Variants in NRXN1 observed in about 807,000 individuals in gnomAD.
The protein encoded by NRXN1 is neurexin-1.
A neutral mutation model predicts 150.9 loss-of-function variants in NRXN1; 39 were observed. The ratio of observed to expected loss-of-function variants is 0.26; its 90% CI spans 0.20 to 0.34. The LOEUF (loss-of-function observed/expected upper bound fraction) is 0.34, where lower values mean the gene tolerates loss of function less well. NRXN1 is among the 10% of genes least tolerant of loss of function. The pLI, the probability that NRXN1 is intolerant of heterozygous loss-of-function variation, is 1.00. For missense variants in NRXN1, 1,815 were observed against 1,949.9 expected, an observed-to-expected ratio of 0.93 and a Z score of 1.30; for synonymous variants, 924 against 757.0, an observed-to-expected ratio of 1.22 and a Z score of -3.62.
intron 5 of NRXN1, among the ~76,000 whole-genome samples, chr2:50,838,362 C>A (rs1463719186): frequency 6.6e-6 from 1 of 152,028 alleles, no homozygotes; most frequent in Non-Finnish European, 1.5e-5. Context: ...GGTGATACTG[C>A]AAACCAACAT....
At chr2:50,690,866 T>A (rs1691974951) in intron 5 of NRXN1, among the ~76,000 whole-genome samples, 1 of 152,200 alleles carries the variant, frequency 6.6e-6, no homozygotes, top group Non-Finnish European at 1.5e-5. Flanking sequence ...CCGGTTCTTT[T>A]CCTTTAACCA....
At chr2:50,445,310 AG>A (rs1462486125) in intron 17 of NRXN1, among the ~76,000 whole-genome samples, 1 of 152,210 alleles carries the variant, frequency 6.6e-6, no homozygotes, top group Non-Finnish European at 1.5e-5. Context: ...AAAGAAGTAA[AG>A]TTTTTCAACT....
chr2:50,979,030 A>G (rs963048298), intron 2 of NRXN1, among the ~76,000 whole-genome samples: 2 of 152,124 alleles, frequency 1.3e-5, no homozygotes, highest in Admixed American at 6.6e-5. Context: ...ATTTCAGCAT[A>G]ACTCATATGT....
intron 12 of NRXN1, among the ~76,000 whole-genome samples, chr2:50,511,262 G>A (rs2092443311): frequency 6.6e-6 from 1 of 152,092 alleles, no homozygotes; most frequent in African/African-American, 2.4e-5. Flanking sequence ...GTTTCACCAT[G>A]TTCGAGGCCA....
At chr2:50,286,830 A>G (rs1004853700) in intron 17 of NRXN1, among the ~76,000 whole-genome samples, 27 of 152,246 alleles carry the variant, frequency 1.8e-4, no homozygotes, top group African/African-American at 6.0e-4. Context: ...AGAATTTGCA[A>G]TTAAGTGTTC....
chr2:50,220,063 G>T (rs1267670249), intron 18 of NRXN1, among the ~76,000 whole-genome samples: 2 of 134,200 alleles, frequency 1.5e-5, no homozygotes, highest in Non-Finnish European at 3.1e-5. Context: ...TCTCATATGA[G>T]CCACAATTTA....
intron 8 of NRXN1, among the ~76,000 whole-genome samples, chr2:50,595,711 T>C (rs912760354): frequency 6.6e-6 from 1 of 152,172 alleles, no homozygotes; most frequent in Non-Finnish European, 1.5e-5. Context: ...AATTCTGCCA[T>C]AGAAAGGGAG....
intron 19 of NRXN1, among the ~76,000 whole-genome samples, chr2:50,073,714 CA>C (rs1431592493): frequency 6.6e-6 from 1 of 151,978 alleles, no homozygotes; most frequent in Admixed American, 6.6e-5. Flanking sequence ...AGATAGTCAA[CA>C]ATTCTAGTTT....
chr2:50,620,295 GC>G, intron 7 of NRXN1, 112 bp from the exon 8 acceptor site: 2 of 1,233,072 alleles, frequency 1.6e-6, no homozygotes, highest in South Asian at 1.7e-5. Context: ...GTTTTGTTTT[GC>G]TTTTTTCTTT....
At chr2:50,749,576 A>C (rs1274249182) in intron 5 of NRXN1, among the ~76,000 whole-genome samples, 2 of 152,122 alleles carry the variant, frequency 1.3e-5, no homozygotes, top group Non-Finnish European at 2.9e-5. Flanking sequence ...ATTGCATCAA[A>C]TATAATGGAG....
chr2:50,938,310 T>G (rs1688848866), intron 2 of NRXN1, among the ~76,000 whole-genome samples: 1 of 152,188 alleles, frequency 6.6e-6, no homozygotes, highest in African/African-American at 2.4e-5. Context: ...ATTTTTCAGG[T>G]CCATTACAAT....
intron 5 of NRXN1, among the ~76,000 whole-genome samples, chr2:50,920,530 A>G (rs1685864784): frequency 6.6e-6 from 1 of 151,814 alleles, no homozygotes; most frequent in Non-Finnish European, 1.5e-5. Flanking sequence ...ATACAAACAC[A>G]TATACATATA....
intron 21 of NRXN1, among the ~76,000 whole-genome samples, chr2:49,985,413 T>C (rs2152513184): frequency 6.6e-6 from 1 of 152,352 alleles, no homozygotes; most frequent in South Asian, 2.1e-4. Flanking sequence ...AGAATTTTCC[T>C]CCTTTTCAAG....
intron 2 of NRXN1, among the ~76,000 whole-genome samples, chr2:50,973,054 C>T (rs186965598): frequency 1.1e-4 from 16 of 152,232 alleles, no homozygotes; most frequent in South Asian, 6.2e-4. Flanking sequence ...TGGTGTCTTC[C>T]GTGTCTGTTT....
At chr2:50,467,335 T>C (rs1031582253) in intron 16 of NRXN1, among the ~76,000 whole-genome samples, 1 of 151,584 alleles carries the variant, frequency 6.6e-6, no homozygotes, top group African/African-American at 2.4e-5. Flanking sequence ...AGCTTTAGAG[T>C]ATAAACTAAA....
At chr2:50,410,991 G>A (rs188957683) in intron 17 of NRXN1, among the ~76,000 whole-genome samples, 9 of 152,268 alleles carry the variant, frequency 5.9e-5, no homozygotes. Context: ...AATGGAATCT[G>A]TGAATTCAAA....
At chr2:50,380,455 G>C (rs941110396) in intron 17 of NRXN1, among the ~76,000 whole-genome samples, 8 of 151,994 alleles carry the variant, frequency 5.3e-5, no homozygotes, top group African/African-American at 1.9e-4. Flanking sequence ...TTATATATTT[G>C]TATCTGATCT....
chr2:49,982,636 A>G (rs1680167652), intron 21 of NRXN1, among the ~76,000 whole-genome samples: 1 of 152,170 alleles, frequency 6.6e-6, no homozygotes, highest in African/African-American at 2.4e-5. Context: ...TATAAGTTAT[A>G]TAATGGCACA....
chr2:50,626,023 T>C (rs1302823932), intron 5 of NRXN1, among the ~76,000 whole-genome samples: 1 of 152,060 alleles, frequency 6.6e-6, no homozygotes, highest in Non-Finnish European at 1.5e-5. Flanking sequence ...CTTGACATTG[T>C]AGCTAATGCA....
Sources: allele counts gnomAD v4.1 joint callset (sites outside exome capture counted in the v4.1 genomes callset), GRCh38; gene constraint gnomAD v4.1.1; transcripts MANE v1.5; gene names NCBI Gene and HGNC (gene_info 2026-07-23, HGNC 2026-07-21).